Variants in GTF3C2 observed in about 807,000 individuals in gnomAD.
GTF3C2 encodes the protein general transcription factor 3C polypeptide 2.
In GTF3C2, 17 loss-of-function variants were observed where a neutral mutation model predicts 117.4. The ratio of observed to expected loss-of-function variants is 0.14; its 90% confidence interval spans 0.10 to 0.22. The LOEUF is 0.22. Ranked by LOEUF, GTF3C2 falls within the 10% of genes least tolerant of loss-of-function variation. The pLI is 1.00. For synonymous variants in GTF3C2, 437 were observed against 427.0 expected (o/e 1.02, Z -0.29); for missense variants, 888 against 1,143.6 (o/e 0.78, Z 3.22).
intron 1 of GTF3C2, chr2:27,356,522 C>G: frequency 4.4e-6 from 1 of 226,944 alleles, no homozygotes; most frequent in East Asian, 9.0e-5. Context: ...GGGCAAGACC[C>G]GAGGCTTGCA....
At chr2:27,326,749 T>C (rs747477056) in exon 19 of GTF3C2, 6 of 1,613,816 alleles carry the variant, frequency 3.7e-6, no homozygotes, top group African/African-American at 2.7e-5. Flanking sequence ...GGTTGGAACA[T>C]AGCATTGAAG....
Position 27,335,854 on chromosome 2 carries a change from T to C in GTF3C2, c.1467+63A>G, listed in dbSNP as rs1680449025. The C allele has an allele frequency of 3.3e-6, 4 of 1,208,396 alleles. No individual in the cohort carries two copies. In the African/African-American group the frequency reaches 4.5e-5, roughly 14 times the overall value. 74.9% of individuals were successfully genotyped at this position (1,208,396 alleles called of 1,614,324 possible). On this transcript the variant is annotated intron_variant, in intron 9 of 18. Transcript: ENST00000264720. ...CCTTCGTTCCTTCAACTCTAAGAAT[T>C]CCCAGGGCCTCTTTGTCCTGGCTTT...
chr2:27,338,460 GCACACA>G (rs59913490), intron 4 of GTF3C2, among the ~76,000 whole-genome samples: 27 of 76,182 alleles, frequency 3.5e-4, no homozygotes, highest in African/African-American at 8.9e-4. Flanking sequence ...GCGCACGCGC[GCACACA>G]CACACACACA....
At chr2:27,331,528 T>A (rs961131958) in intron 12 of GTF3C2, among the ~76,000 whole-genome samples, 24 of 152,000 alleles carry the variant, frequency 1.6e-4, no homozygotes, top group African/African-American at 4.8e-4. Context: ...GGTTTCACCA[T>A]GTTGGCCAGG....
chr2:27,346,500 C>T (rs1295162667), intron 1 of GTF3C2, among the ~76,000 whole-genome samples: 2 of 150,196 alleles, frequency 1.3e-5, no homozygotes, highest in African/African-American at 4.9e-5. Context: ...TACAGGCATG[C>T]ACCACCATGC....
At chr2:27,333,686 G>A in exon 12 of GTF3C2, 7 of 1,609,484 alleles carry the variant, frequency 4.3e-6, no homozygotes, top group Non-Finnish European at 6.0e-6. Context: ...GGTGTTGGTG[G>A]GGCCTGGTAG....
intron 8 of GTF3C2, 62 bp from the exon 9 acceptor site, chr2:27,336,090 T>C: frequency 7.2e-7 from 1 of 1,392,822 alleles, no homozygotes; most frequent in Non-Finnish European, 1.0e-6. Flanking sequence ...CTGCCAGAGG[T>C]AAGCTCCCCT....
At position 27,338,002 on chromosome 2, in the gene GTF3C2, G is replaced by A; in HGVS notation, c.874C>T (p.Arg292Ter). 2 of 1,609,238 alleles carry A rather than the reference G, an allele frequency of 1.2e-6. No individual in the cohort carries two copies. The highest frequency in any genetic ancestry group is 1.7e-6 in the Non-Finnish European group (2 of 1,175,646). ...GGTAAGCCATTGGGAGCCATTCCTC[G>A]GCAGTGTGGTTTCTGTTTCTGAGGA... is the stretch of plus-strand genomic sequence containing the variant. Residue 292 changes from arginine to a stop codon, truncating the protein, a stop_gained, in exon 5 of 19, where the codon CGA becomes TGA. Coordinates refer to ENST00000264720, the Ensembl canonical transcript of GTF3C2. LOFTEE classifies it high-confidence loss of function.
intron 7 of GTF3C2, 47 bp from the exon 8 acceptor site, chr2:27,336,472 T>C (rs767197021): frequency 5.1e-6 from 6 of 1,176,856 alleles, no homozygotes; most frequent in Non-Finnish European, 7.6e-6. Context: ...TAATGAAAGG[T>C]AATGAGGACT....
intron 1 of GTF3C2, among the ~76,000 whole-genome samples, chr2:27,354,940 C>G (rs924853195): frequency 2.0e-5 from 3 of 152,082 alleles, no homozygotes; most frequent in Non-Finnish European, 4.4e-5. Flanking sequence ...ATTAATTCAT[C>G]AATAAATTAT....
Position 27,329,526 on chromosome 2 carries a change from G to A in GTF3C2, c.1733-3C>T, listed in dbSNP as rs1680207051. The A allele has an allele frequency of 2.5e-6, 4 of 1,613,612 alleles. No homozygotes were observed. The African/African-American group carries it at 5.3e-5, about 22-fold the overall frequency. Reference sequence around the variant, plus strand: ...AAGGTTCCAGAAAACCACCATGCCTGAAATAAGGACAGAATGTGTGAGCAT... The same window carrying A: ...AAGGTTCCAGAAAACCACCATGCCTAAAATAAGGACAGAATGTGTGAGCAT... On this transcript the variant is annotated splice_polypyrimidine_tract_variant and splice_region_variant and intron_variant, in intron 12 of 18. Coordinates refer to ENST00000264720, the Ensembl canonical transcript of GTF3C2. This position sits in a 1 kb window ranked among gnomAD's most constrained non-coding sequence, Gnocchi z 4.5.
intron 8 of GTF3C2, 34 bp downstream of exon 8, chr2:27,336,164 C>T: frequency 6.5e-7 from 1 of 1,535,866 alleles, no homozygotes. Flanking sequence ...TGTCCTCAAC[C>T]ACCCTCCCAT....
At chr2:27,332,055 G>T (rs896515204) in intron 12 of GTF3C2, among the ~76,000 whole-genome samples, 1 of 152,098 alleles carries the variant, frequency 6.6e-6, no homozygotes, top group Non-Finnish European at 1.5e-5. Flanking sequence ...TATAGTGAAG[G>T]AACATTCATC....
At chr2:27,336,374 C>T (rs149609307) in exon 8 of GTF3C2, 350 of 1,613,200 alleles carry the variant, frequency 2.2e-4, no homozygotes, top group Middle Eastern at 1.6e-4. Flanking sequence ...GCGGTCCCCC[C>T]GTGAAGAAGG....
exon 19 of GTF3C2, chr2:27,326,627 C>T (rs1043213966): frequency 7.2e-7 from 1 of 1,380,216 alleles, no homozygotes; most frequent in Non-Finnish European, 1.0e-6. Context: ...GCATAGGGGC[C>T]ATTTGTTCTT....
intron 17 of GTF3C2, among the ~76,000 whole-genome samples, chr2:27,327,785 G>A (rs903723335): frequency 6.6e-6 from 1 of 151,900 alleles, no homozygotes; most frequent in Non-Finnish European, 1.5e-5. Flanking sequence ...GCGCCACCAC[G>A]CCCAGCTAAT....
intron 1 of GTF3C2, among the ~76,000 whole-genome samples, chr2:27,348,158 T>C (rs1680983175): frequency 1.3e-5 from 2 of 151,954 alleles, no homozygotes; most frequent in South Asian, 4.2e-4. Flanking sequence ...TCCCAGCTAC[T>C]TGGGAGGCTG....
chr2:27,333,779 T>G lies in GTF3C2; in HGVS notation c.1608A>C (p.Gln536His), dbSNP rs1249872940. ...ACCCCACCTGCAGAGTTGCCACACA[T>G]TGTACCTGCAGGGAAAGAAGAGATG... Residue 536 changes from glutamine to histidine, a missense_variant, in exon 12 of 19, where the codon CAA becomes CAC. Physicochemically the swap from Gln to His is conservative, Grantham distance 24. This residue lies in a region of GTF3C2 where 277 missense variants were observed against 445.4 expected (regional missense o/e 0.62). Transcript: ENST00000264720. 3 of 1,603,130 alleles carry G rather than the reference T, an allele frequency of 1.9e-6. No individual in the cohort carries two copies. In the Admixed American group the frequency reaches 5.2e-5, roughly 28 times the overall value.
At chr2:27,338,537 T>G (rs1475597956) in intron 4 of GTF3C2, among the ~76,000 whole-genome samples, 1 of 152,196 alleles carries the variant, frequency 6.6e-6, no homozygotes, top group Non-Finnish European at 1.5e-5. Context: ...TTTTTGTTTT[T>G]TTGTTGTTTT....
Sources: gnomAD v4.1 joint callset for allele counts (sites outside exome capture counted in the v4.1 genomes callset) on GRCh38, gnomAD v4.1.1 for gene constraint, gnomAD v4.1.1 regional missense constraint, Gnocchi (gnomAD v3.1) non-coding constraint, MANE v1.5 for transcripts, NCBI Gene and HGNC (gene_info 2026-07-23, HGNC 2026-07-21) for gene names.